The following BCKDHB variants were observed in gnomAD, a reference collection of about 807,000 sequenced individuals.
BCKDHB encodes 2-oxoisovalerate dehydrogenase subunit beta, mitochondrial.
A neutral mutation model predicts 48.5 loss-of-function variants in BCKDHB; 41 were observed. The ratio of observed to expected loss-of-function variants is 0.85; its 90% CI spans 0.66 to 1.10. The LOEUF is 1.10. BCKDHB is among the 50% of genes least tolerant of loss of function. The pLI, the probability that BCKDHB is intolerant of heterozygous loss-of-function variation, is 0.00. For synonymous variants in BCKDHB, 201 were observed against 174.8 expected (o/e 1.15, Z -1.18); for missense variants, 496 against 494.2 (o/e 1.00, Z -0.03).
chr6:80,357,672 T>C, the BCKDHB span, among the ~76,000 whole-genome samples: 1 of 152,200 alleles, frequency 6.6e-6, no homozygotes, highest in Non-Finnish European at 1.5e-5. Flanking sequence ...TTGTGCTACG[T>C]TTTCCTGGGC....
the BCKDHB span, among the ~76,000 whole-genome samples, chr6:80,415,514 A>G: frequency 3.0e-3 from 464 of 152,298 alleles, 2 homozygotes; most frequent in Admixed American, 5.7e-3. Flanking sequence ...CCTTTTCTGA[A>G]TCTATTGAAA....
intron 8 of BCKDHB, among the ~76,000 whole-genome samples, chr6:80,272,271 G>T (rs1311606903): frequency 6.6e-6 from 1 of 151,852 alleles, no homozygotes; most frequent in African/African-American, 2.4e-5. Flanking sequence ...AGATATTTTT[G>T]CTTGAAAGAT....
chr6:80,434,178 T>C, the BCKDHB span, among the ~76,000 whole-genome samples: 3 of 152,128 alleles, frequency 2.0e-5, no homozygotes, highest in Non-Finnish European at 4.4e-5. Context: ...ATAATCACAC[T>C]TGATATATTT....
At chr6:80,334,890 A>ATG (rs953534696) in intron 9 of BCKDHB, among the ~76,000 whole-genome samples, 1 of 151,948 alleles carries the variant, frequency 6.6e-6, no homozygotes, top group African/African-American at 2.4e-5. Flanking sequence ...CATTTTTTAT[A>ATG]TGTATATATA....
intron 9 of BCKDHB, among the ~76,000 whole-genome samples, chr6:80,341,752 C>T (rs2322760): frequency 0.78 from 118,019 of 152,070 alleles, 46,171 homozygotes; most frequent in Admixed American, 0.84. Context: ...GCCCTTAATT[C>T]TCCATGGATA....
chr6:80,321,421 G>C (rs1768711458), intron 9 of BCKDHB, among the ~76,000 whole-genome samples: 1 of 152,158 alleles, frequency 6.6e-6, no homozygotes, highest in Non-Finnish European at 1.5e-5. Context: ...TATCTGAACA[G>C]GACTCCTGTG....
At chr6:80,351,993 G>A in the BCKDHB span, among the ~76,000 whole-genome samples, 2 of 151,836 alleles carry the variant, frequency 1.3e-5, no homozygotes, top group Non-Finnish European at 1.5e-5. Context: ...GACTAATTTT[G>A]TATTTTTAGT....
intron 3 of BCKDHB, among the ~76,000 whole-genome samples, chr6:80,138,360 G>C (rs1771001903): frequency 6.6e-6 from 1 of 151,932 alleles, no homozygotes; most frequent in Non-Finnish European, 1.5e-5. Context: ...AGTTACATAT[G>C]TATACATGTG....
chr6:80,281,278 C>A (rs1778182940), intron 9 of BCKDHB, among the ~76,000 whole-genome samples: 1 of 151,696 alleles, frequency 6.6e-6, no homozygotes, highest in South Asian at 2.1e-4. Flanking sequence ...AGAAGCCACA[C>A]CAACATTTAA....
rs1348907013 is a variant in BCKDHB, at chr6:80,290,734, G to A, written c.1038+17513G>A. Among the ~76,000 whole-genome samples the A allele has an allele frequency of 2.0e-5, 3 of 152,198 alleles. No individual in the cohort carries two copies. In the East Asian group the frequency reaches 5.8e-4, roughly 29 times the overall value. ...ATGAGTCCATAAATTGAAAAAGCAA[G>A]TTTATTAAGAAAGTAAAGGAATAAA... On this transcript the variant is annotated intron_variant, in intron 9 of 9. Transcript: ENST00000320393.
At chr6:80,143,227 C>G (rs934966766) in intron 3 of BCKDHB, among the ~76,000 whole-genome samples, 2 of 152,104 alleles carry the variant, frequency 1.3e-5, no homozygotes, top group Non-Finnish European at 2.9e-5. Flanking sequence ...TTCACGTTGA[C>G]ACTGTGCTCA....
the BCKDHB span, among the ~76,000 whole-genome samples, chr6:80,383,166 G>A: frequency 6.6e-6 from 1 of 152,130 alleles, no homozygotes; most frequent in Non-Finnish European, 1.5e-5. Context: ...TACTAAAAAT[G>A]TCATCTTTTT....
At chr6:80,336,240 A>C (rs1023677238) in intron 9 of BCKDHB, among the ~76,000 whole-genome samples, 2 of 151,906 alleles carry the variant, frequency 1.3e-5, no homozygotes, top group Non-Finnish European at 2.9e-5. Flanking sequence ...ATATTAATGT[A>C]TGATTTTATT....
At chr6:80,118,363 T>G (rs747890541) in intron 1 of BCKDHB, among the ~76,000 whole-genome samples, 30 of 152,144 alleles carry the variant, frequency 2.0e-4, no homozygotes, top group Non-Finnish European at 4.4e-5. Flanking sequence ...GTACATACTT[T>G]AATTAAGAAA....
chr6:80,208,292 A>G (rs1048213083), intron 8 of BCKDHB, among the ~76,000 whole-genome samples: 13 of 151,832 alleles, frequency 8.6e-5, no homozygotes, highest in Admixed American at 8.5e-4. Flanking sequence ...GTTAATGAAG[A>G]TAGAATATAT....
intron 8 of BCKDHB, among the ~76,000 whole-genome samples, chr6:80,257,194 C>A (rs1245284367): frequency 6.6e-6 from 1 of 152,002 alleles, no homozygotes; most frequent in Non-Finnish European, 1.5e-5. Context: ...ACAGTCTGTC[C>A]TGTCATAGGG....
At chr6:80,400,645 T>C in the BCKDHB span, among the ~76,000 whole-genome samples, 1 of 152,110 alleles carries the variant, frequency 6.6e-6, no homozygotes, top group Non-Finnish European at 1.5e-5. Context: ...TCAACCATTG[T>C]GGAAAGCAGT....
In BCKDHB at chr6:80,278,216, T is replaced by C. The variant is rs533246169; in HGVS notation, c.1038+4995T>C. ...ACCAGTGATACAAAACCTTTCCTAA[T>C]AGCAACAGATAAAACAATCAGGAGA... On this transcript the variant is annotated intron_variant, in intron 9 of 9. Coordinates refer to ENST00000320393, the MANE Select transcript of BCKDHB (RefSeq NM_183050.4). 2.6e-5 allele frequency among the ~76,000 whole-genome samples: 4 copies of C among 152,288 alleles called. No individual in the cohort carries two copies. The South Asian group carries it at 8.3e-4, about 32-fold the overall frequency.
chr6:80,269,528 C>T (rs982307083), intron 8 of BCKDHB, among the ~76,000 whole-genome samples: 15 of 151,944 alleles, frequency 9.9e-5, no homozygotes, highest in Admixed American at 2.0e-4. Flanking sequence ...TGCCATTTGT[C>T]ACCCGTAACT....
Sources: allele counts gnomAD v4.1 joint callset (sites outside exome capture counted in the v4.1 genomes callset), GRCh38; gene constraint gnomAD v4.1.1; transcripts MANE v1.5; gene names NCBI Gene and HGNC (gene_info 2026-07-23, HGNC 2026-07-21).